The following PAN2 variants were observed in gnomAD, a reference collection of about 807,000 sequenced individuals.
PAN2 encodes poly(A) specific ribonuclease subunit PAN2.
In PAN2, 68 loss-of-function variants were observed where a neutral mutation model predicts 133.3. The ratio of observed to expected loss-of-function variants is 0.51; its 90% confidence interval spans 0.42 to 0.62. The LOEUF is 0.62. Ranked by LOEUF, PAN2 falls within the 20% of genes least tolerant of loss-of-function variation. The probability of loss-of-function intolerance (pLI) is 0.00; values close to 1 mark genes in which losing one functional copy is unlikely to be tolerated. For synonymous variants in PAN2, 462 were observed against 544.6 expected (o/e 0.85, Z 2.11); for missense variants, 1,042 against 1,500.5 (o/e 0.69, Z 5.05).
chr12:56,319,961 C>T lies in PAN2; in HGVS notation c.2849G>A (p.Arg950Gln), dbSNP rs371396361. Reference protein sequence around the residue: ...LAEASLARKQRKTHTTFIPLM... With the variant: ...LAEASLARKQQKTHTTFIPLM... Reference sequence around the variant, plus strand: ...TGGAATAAAGGTAGTATGTGTTTTCCGCTGCTTCCGTGCCAGCGAGGCTTC... The same window carrying T: ...TGGAATAAAGGTAGTATGTGTTTTCTGCTGCTTCCGTGCCAGCGAGGCTTC... Residue 950 changes from arginine (R) to glutamine (Q), a missense_variant, in exon 21 of 26, where the codon CGG becomes CAG. Arg to Gln is a conservative substitution (Grantham distance 43, BLOSUM62 1). This residue lies in a region of PAN2 where 908 missense variants were observed against 1,223.5 expected (regional missense o/e 0.74). Transcript: ENST00000440411. This position sits in a 1 kb window ranked among gnomAD's most constrained non-coding sequence, Gnocchi z 5.4. 9.2e-5 allele frequency: 149 copies of T among 1,614,000 alleles called. No homozygotes were observed. Among genetic ancestry groups the T allele is most frequent in the Non-Finnish European group, 1.2e-4 (137 of 1,180,022 alleles).
Position 56,323,563 on chromosome 12 carries a change from A to G in PAN2, c.2208T>C (p.Ile736=), listed in dbSNP as rs1212585262. The change falls in exon 15 of 26, where the codon ATT becomes ATC. Residue 736 remains isoleucine, a synonymous_variant. Transcript: ENST00000440411. ...QTRNIRHLPD[I]LVINCEVNSS... ...TGTTCACCTCACAATTGATGACAAG[A>G]ATATCTGGCAGATGGCGGATGTTGC... is the stretch of plus-strand genomic sequence containing the variant. 1 of 1,614,236 alleles carries G rather than the reference A, an allele frequency of 6.2e-7. No individual in the cohort carries two copies. The highest frequency in any genetic ancestry group is 1.1e-5 in the South Asian group (1 of 91,090).
At chr12:56,333,409 C>A in intron 1 of PAN2, 1 of 395,170 alleles carries the variant, frequency 2.5e-6, no homozygotes, top group Non-Finnish European at 4.7e-6. Flanking sequence ...TCCGCTAGGC[C>A]CTCTGTACTC....
chr12:56,319,511 C>G lies in PAN2; in HGVS notation c.3091-24G>C, dbSNP rs773800619. The G allele has an allele frequency of 2.5e-6, 4 of 1,603,428 alleles. No individual in the cohort carries two copies. The highest frequency in any genetic ancestry group is 1.3e-5 in the African/African-American group (1 of 74,384). On this transcript the variant is annotated intron_variant, in intron 22 of 25. Coordinates refer to ENST00000440411, the MANE Select transcript of PAN2 (RefSeq NM_014871.6). This position sits in a 1 kb window ranked among gnomAD's most constrained non-coding sequence, Gnocchi z 5.4. ...ACCTAGGAATAGAGAAAAGGACAAG[C>G]CTTTTTCAGGAAGTGAGATGGAGTC...
intron 2 of PAN2, among the ~76,000 whole-genome samples, chr12:56,330,353 CTTTTTTT>C (rs10525866): frequency 1.5e-4 from 14 of 92,618 alleles, no homozygotes; most frequent in African/African-American, 3.4e-4. Context: ...CTGTATTTTT[CTTTTTTT>C]TTTTTTTTTT....
In PAN2 at chr12:56,323,170, G is replaced by A. The variant is rs764002175; in HGVS notation, c.2385C>T (p.Pro795=). The A allele has an allele frequency of 1.2e-6, 2 of 1,614,108 alleles. No homozygotes were observed. Among genetic ancestry groups the A allele is most frequent in the South Asian group, 1.1e-5 (1 of 91,062 alleles). The change falls in exon 17 of 26, where the codon CCC becomes CCT. Residue 795 remains proline (P), a synonymous_variant. Coordinates refer to ENST00000440411, the MANE Select transcript of PAN2 (RefSeq NM_014871.6). ...AGACGTTCTTCAACTCCTCAATGGA[G>A]GGACACACCAGCACACCCTCTGGAC... The part of the protein sequence containing the change: ...LGSPEGVLVC[P]SIEELKNVWL...
intron 13 of PAN2, 39 bp from the exon 14 acceptor site, chr12:56,323,952 T>G: frequency 6.2e-7 from 1 of 1,605,628 alleles, no homozygotes; most frequent in Non-Finnish European, 8.5e-7. Context: ...GGTTCTCCCC[T>G]CTACCCACAG....
Position 56,319,593 on chromosome 12 carries a change from C to T in PAN2, c.3090+28G>A, listed in dbSNP as rs189344989. 16 of 1,594,280 alleles carry T rather than the reference C, an allele frequency of 1.0e-5. No individual in the cohort carries two copies. The African/African-American group carries it at 1.7e-4, about 17-fold the overall frequency. ...CACTGTAAGTAAGCACCAGGGTGTG[C>T]CTCACTTGCATCTCCATATCCTAAT... On this transcript the variant is annotated intron_variant, in intron 22 of 25. Coordinates refer to ENST00000440411, the MANE Select transcript of PAN2 (RefSeq NM_014871.6). The surrounding 1 kb of genome is among the most constrained non-coding windows in gnomAD (Gnocchi z 5.4).
chr12:56,319,661 C>T lies in PAN2; in HGVS notation c.3050G>A (p.Gly1017Asp), dbSNP rs202049713. ...GATGTAGTCATCAATGAAGGGGATA[C>T]CCTCATTGGGTCCCTGGCCCCGAAC... ...TCVRGQGPNE[G>D]IPFIDDYIST... Residue 1017 changes from glycine to aspartate, a missense_variant, in exon 22 of 26, where the codon GGT becomes GAT. Gly to Asp is a moderately conservative substitution (Grantham distance 94). Around this residue, in one of 3 missense-constraint regions of PAN2, gnomAD observed 49 missense variants for 160.5 expected, o/e 0.31. Transcript: ENST00000440411. The surrounding 1 kb of genome is among the most constrained non-coding windows in gnomAD (Gnocchi z 5.4). 35 of 1,613,452 alleles carry T rather than the reference C, an allele frequency of 2.2e-5. No individual in the cohort carries two copies. Among genetic ancestry groups the T allele is most frequent in the Non-Finnish European group, 2.8e-5 (33 of 1,179,648 alleles).
In PAN2 at chr12:56,324,498, A is replaced by G. The variant is rs1874896677; in HGVS notation, c.1729-5T>C. ...TGCCCGAAGAAAATTATTGCCCTGG[A>G]AATGTGTTGGTGGAAAGGGGTTATT... On this transcript the variant is annotated splice_polypyrimidine_tract_variant and splice_region_variant and intron_variant, in intron 11 of 25. Transcript: ENST00000440411. 2.5e-6 allele frequency: 4 copies of G among 1,612,928 alleles called. No homozygotes were observed. The East Asian group carries it at 8.9e-5, about 36-fold the overall frequency.
At chr12:56,325,544 GTCCTGAACCT>G (rs1875018142) in intron 8 of PAN2, 90 bp from the exon 9 acceptor site, 1 of 1,388,054 alleles carries the variant, frequency 7.2e-7, no homozygotes, top group Admixed American at 1.9e-5. Context: ...CAGCCACCAA[GTCCTGAACCT>G]TCTATATTCA....
intron 24 of PAN2, 90 bp downstream of exon 24, chr12:56,318,998 C>T: frequency 8.2e-7 from 1 of 1,221,530 alleles, no homozygotes; most frequent in East Asian, 2.3e-5. Flanking sequence ...CAGCTCCATC[C>T]ATGTTGCCGC....
In PAN2 at chr12:56,326,698, G is replaced by A; in HGVS notation, c.1181C>T (p.Pro394Leu). ...PPLDWSQDLLPLSLIPVPLTT... is the reference protein window; with the variant it reads ...PPLDWSQDLLLLSLIPVPLTT... ...GAGTGGGACAGGGATGAGGGAAAGAGGCAGCAGGTCCTGGCTCCAGTCCAG... is the reference window on the plus strand; with the variant it reads ...GAGTGGGACAGGGATGAGGGAAAGAAGCAGCAGGTCCTGGCTCCAGTCCAG... The change falls in exon 7 of 26, where the codon CCT becomes CTT. Residue 394 changes from proline (P) to leucine (L), a missense_variant. Physicochemically the swap from Pro to Leu is moderately conservative, Grantham distance 98 (BLOSUM62 -3). Around this residue, in one of 3 missense-constraint regions of PAN2, gnomAD observed 908 missense variants for 1,223.5 expected, o/e 0.74. Transcript: ENST00000440411. 1 of 1,614,136 alleles carries A rather than the reference G, an allele frequency of 6.2e-7. No individual in the cohort carries two copies. Among genetic ancestry groups the A allele is most frequent in the Non-Finnish European group, 8.5e-7 (1 of 1,180,000 alleles).
rs1462638076 is a variant in PAN2, at chr12:56,328,367, G to A, written c.453-9C>T. The A allele has an allele frequency of 6.3e-7, 1 of 1,592,808 alleles. No individual in the cohort carries two copies. The highest frequency in any genetic ancestry group is 1.3e-5 in the African/African-American group (1 of 74,264). On this transcript the variant is annotated splice_polypyrimidine_tract_variant and intron_variant, in intron 3 of 25. Transcript: ENST00000440411. ...CCTCATTCTCATCCAGCCTGGTGGG[G>A]AGAGGAAAGGCTAAGGGGCCCAGGC... is the stretch of plus-strand genomic sequence containing the variant.
At position 56,319,277 on chromosome 12, in the gene PAN2, CAAG is replaced by C; in HGVS notation, c.3270+28_3270+30del. 6.2e-7 allele frequency: 1 copy of C among 1,611,542 alleles called. No homozygotes were observed. Among genetic ancestry groups the C allele is most frequent in the South Asian group, 1.1e-5 (1 of 90,914 alleles). On this transcript the variant is annotated intron_variant, in intron 23 of 25. Coordinates refer to ENST00000440411, the MANE Select transcript of PAN2 (RefSeq NM_014871.6). This position sits in a 1 kb window ranked among gnomAD's most constrained non-coding sequence, Gnocchi z 5.4. ...GTATACCCTGAGGGGCCCACTCTCA[CAAG>C]AAGACTCTTAAAAGAGCCCTGCCAA...
intron 19 of PAN2, 32 bp downstream of exon 19, chr12:56,322,391 T>C (rs1874659356): frequency 1.3e-6 from 2 of 1,562,116 alleles, no homozygotes; most frequent in African/African-American, 2.7e-5. Context: ...AAAGGGGAAA[T>C]GAAAGAAGAA....
intron 5 of PAN2, 68 bp downstream of exon 5, chr12:56,327,927 A>T: frequency 1.2e-6 from 2 of 1,606,166 alleles, no homozygotes; most frequent in Non-Finnish European, 1.7e-6. Context: ...GTTAAGGGAA[A>T]GCAGATCGCA....
chr12:56,320,137 A>T (rs1158381568), intron 20 of PAN2, 116 bp from the exon 21 acceptor site: 10 of 894,540 alleles, frequency 1.1e-5, no homozygotes, highest in Non-Finnish European at 1.8e-5. Context: ...CAATAATCAA[A>T]GCACGTGAGA....
intron 14 of PAN2, 84 bp from the exon 15 acceptor site, chr12:56,323,682 C>T (rs773665): frequency 0.91 from 1,314,661 of 1,441,488 alleles, 607,648 homozygotes; most frequent in South Asian, 0.98. Context: ...CGTCTTCAAA[C>T]TGGGATTCCT....
At chr12:56,325,161 T>C (rs1874971039) in intron 9 of PAN2, 33 bp from the exon 10 acceptor site, 1 of 1,608,048 alleles carries the variant, frequency 6.2e-7, no homozygotes. Flanking sequence ...AAGACAAGGA[T>C]ATTCTCAGAG....
Sources: allele counts gnomAD v4.1 joint callset (sites outside exome capture counted in the v4.1 genomes callset), GRCh38; gene constraint gnomAD v4.1.1; regional missense constraint gnomAD v4.1.1; non-coding constraint Gnocchi (gnomAD v3.1); transcripts MANE v1.5; gene names NCBI Gene and HGNC (gene_info 2026-07-23, HGNC 2026-07-21).